PLEKHG5: variants seen among roughly 807,000 people sequenced by gnomAD.
PLEKHG5 encodes the protein pleckstrin homology domain-containing family G member 5.
In PLEKHG5, 52 loss-of-function variants were observed where a neutral mutation model predicts 103.8. That is an observed-to-expected ratio of 0.50 (90% CI 0.40 to 0.63). The LOEUF is 0.63. PLEKHG5 is among the 30% of genes least tolerant of loss of function. The pLI is 0.00. For missense variants in PLEKHG5, 1,205 were observed against 1,347.6 expected (o/e 0.89, Z 1.66); for synonymous variants, 592 against 575.5 (o/e 1.03, Z -0.41).
chr1:6,471,541 G>C lies in PLEKHG5; in HGVS notation c.1228C>G (p.Arg410Gly). 1 of 1,608,774 alleles carries C rather than the reference G, an allele frequency of 6.2e-7. No homozygotes were observed. The highest frequency in any genetic ancestry group is 8.5e-7 in the Non-Finnish European group (1 of 1,178,378). The change falls in exon 12 of 21, where the codon CGG becomes GGG. Residue 410 changes from arginine (R) to glycine (G), a missense_variant. Coordinates refer to ENST00000377728, the MANE Select transcript of PLEKHG5 (RefSeq NM_020631.6). Reference protein sequence around the residue: ...SVMAPVLEKARRTRALLQPGD... With the variant: ...SVMAPVLEKAGRTRALLQPGD... The stretch of plus-strand genomic sequence containing the variant: ...GGCTGTAGCAGCGCTCGCGTGCGCC[G>C]CGCCTTCTCCAGCACCGGCGCCATC...
intron 1 of PLEKHG5, chr1:6,485,220 C>T: frequency 1.3e-6 from 1 of 753,256 alleles, no homozygotes. Flanking sequence ...GCCGCGGGGC[C>T]CATAGTCACG....
intron 1 of PLEKHG5, among the ~76,000 whole-genome samples, chr1:6,481,394 G>A (rs1285887469): frequency 1.3e-5 from 2 of 152,120 alleles, no homozygotes; most frequent in East Asian, 3.9e-4. Context: ...AGCTGGGCAT[G>A]GTGGCGCATG....
chr1:6,474,345 G>C, intron 6 of PLEKHG5, 106 bp downstream of exon 6: 1 of 1,439,426 alleles, frequency 6.9e-7, no homozygotes, highest in Non-Finnish European at 9.6e-7. Context: ...TGGTAATGAG[G>C]CTGCTCAGGC....
chr1:6,511,772 C>A (rs568551709), intron 1 of PLEKHG5, among the ~76,000 whole-genome samples: 5 of 152,164 alleles, frequency 3.3e-5, no homozygotes, highest in African/African-American at 1.2e-4. Flanking sequence ...GCAGCCCCCC[C>A]AGAGAGGCTG....
At chr1:6,483,206 T>C (rs1239416831) in intron 1 of PLEKHG5, among the ~76,000 whole-genome samples, 1 of 152,176 alleles carries the variant, frequency 6.6e-6, no homozygotes, top group Admixed American at 6.5e-5. Context: ...AGTCGGCAGG[T>C]GGCACTCCAA....
chr1:6,506,113 G>A (rs1638309891), intron 1 of PLEKHG5: 1 of 152,782 alleles, frequency 6.5e-6, no homozygotes. Context: ...TCGCCGGGCA[G>A]GGCCTCCAGC....
upstream of PLEKHG5, among the ~76,000 whole-genome samples, chr1:6,498,267 G>A (rs1645255940): frequency 6.6e-6 from 1 of 152,100 alleles, no homozygotes; most frequent in Non-Finnish European, 1.5e-5. Flanking sequence ...GCAGGGCCGG[G>A]TCCCTCTCCC....
rs371769408 is a variant in PLEKHG5, at chr1:6,487,625, G to A, written c.-88+4012C>T. 1.8e-4 allele frequency among the ~76,000 whole-genome samples: 26 copies of A among 148,198 alleles called. No individual in the cohort carries two copies. Among genetic ancestry groups the A allele is most frequent in the Non-Finnish European group, 3.1e-4 (21 of 67,966 alleles). ...ACCCTATCTTGAAACAGCTGACACC[G>A]GGCCCCAACTTAAATGTTACCTCTA... On this transcript the variant is annotated intron_variant, in intron 1 of 20. Coordinates refer to ENST00000377728, the MANE Select transcript of PLEKHG5 (RefSeq NM_020631.6). The surrounding 1 kb of genome is among the most constrained non-coding windows in gnomAD (Gnocchi z 4.1).
chr1:6,496,640 A>C, upstream of PLEKHG5: 1 of 1,135,438 alleles, frequency 8.8e-7, no homozygotes, highest in Non-Finnish European at 1.2e-6. Context: ...TGGCCTCCCA[A>C]CCGGAGGAGG....
intron 1 of PLEKHG5, among the ~76,000 whole-genome samples, chr1:6,511,746 T>A (rs1570005031): frequency 1.3e-5 from 2 of 152,226 alleles, no homozygotes; most frequent in African/African-American, 2.4e-5. Context: ...GAGTGGGCAC[T>A]GCAGGCTGCC....
At chr1:6,488,136 G>A (rs1645075159) in intron 1 of PLEKHG5, among the ~76,000 whole-genome samples, 1 of 152,226 alleles carries the variant, frequency 6.6e-6, no homozygotes, top group Non-Finnish European at 1.5e-5. Context: ...CCCCCATACT[G>A]TCCTGTAGGC....
Position 6,467,907 on chromosome 1 carries a change from A to G in PLEKHG5, c.2929T>C (p.Ser977Pro), listed in dbSNP as rs1213858110. The part of the protein sequence containing the change: ...RVQPEPPPGV[S>P]AQHRKLTLAQ... ...AGGGTCAGCTTCCTGTGCTGGGCAG[A>G]GACCCCTGGTGGGGGCTCAGGCTGG... Residue 977 changes from serine (S) to proline (P), a missense_variant, in exon 20 of 21, where the codon TCT becomes CCT. Coordinates refer to ENST00000377728, the MANE Select transcript of PLEKHG5 (RefSeq NM_020631.6). The G allele has an allele frequency of 5.0e-6, 8 of 1,605,356 alleles. No homozygotes were observed. The highest frequency in any genetic ancestry group is 6.8e-6 in the Non-Finnish European group (8 of 1,176,360).
At chr1:6,474,643 T>C in intron 5 of PLEKHG5, 56 bp from the exon 6 acceptor site, 3 of 1,585,782 alleles carry the variant, frequency 1.9e-6, no homozygotes, top group Non-Finnish European at 2.6e-6. Context: ...TCGCTTCAGC[T>C]TGGGCCCCGC....
In PLEKHG5 at chr1:6,469,182, G is replaced by A; in HGVS notation, c.2109C>T (p.Ser703=). The change falls in exon 19 of 21, where the codon AGC becomes AGT. Residue 703 remains serine, a synonymous_variant. Transcript: ENST00000377728. ...EPPGSQQPLQ[S]LEEEEDEQEE... The stretch of plus-strand genomic sequence containing the variant: ...CCTGCTCATCCTCCTCCTCTTCCAG[G>A]CTCTGCAGGGGCTGCTGACTGCCTG... The A allele has an allele frequency of 6.2e-7, 1 of 1,612,220 alleles. No homozygotes were observed. The highest frequency in any genetic ancestry group is 8.5e-7 in the Non-Finnish European group (1 of 1,179,858).
In PLEKHG5 at chr1:6,473,055, TTCA is replaced by T. The variant is rs1557744230; in HGVS notation, c.912_914del (p.Asp304del). On this transcript the variant is annotated inframe_deletion, in exon 9 of 21. Transcript: ENST00000377728. ...GGCAGGCATTGTCCTCATCCTCGTCTTCATCGTACTCCTCCTCCCAGGAGTCAT... is the reference window on the plus strand; with the variant it reads ...GGCAGGCATTGTCCTCATCCTCGTCTTCGTACTCCTCCTCCCAGGAGTCAT... The T allele has an allele frequency of 2.5e-6, 4 of 1,613,810 alleles. No individual in the cohort carries two copies. The highest frequency in any genetic ancestry group is 3.4e-6 in the Non-Finnish European group (4 of 1,179,896).
At chr1:6,496,122 C>T (rs917879269), upstream of PLEKHG5, among the ~76,000 whole-genome samples, 2 of 152,224 alleles carry the variant, frequency 1.3e-5, no homozygotes, top group Admixed American at 1.3e-4. Context: ...AGGAAGGGTG[C>T]CATCTGGGCA....
Position 6,469,151 on chromosome 1 carries a change from C to A in PLEKHG5, c.2140G>T (p.Glu714Ter), listed in dbSNP as rs1644489540. 6.2e-7 allele frequency: 1 copy of A among 1,612,618 alleles called. No homozygotes were observed. Among genetic ancestry groups the A allele is most frequent in the Non-Finnish European group, 8.5e-7 (1 of 1,179,676 alleles). ...TCCTCCTCCTCCTCCTCCTCCTCTT[C>A]CTCCTCCTGCTCATCCTCCTCCTCT... ...LEEEEDEQEE[E>*]EEEEEEEEEG... Residue 714 changes from glutamate to a stop codon, truncating the protein, a stop_gained, in exon 19 of 21, where the codon GAA becomes TAA. Coordinates refer to ENST00000377728, the MANE Select transcript of PLEKHG5 (RefSeq NM_020631.6). LOFTEE classifies it high-confidence loss of function.
At chr1:6,500,967 G>A (rs141770576), upstream of PLEKHG5, among the ~76,000 whole-genome samples, 501 of 152,344 alleles carry the variant, frequency 3.3e-3, 3 homozygotes, top group African/African-American at 0.011. Context: ...GGGCCTCGGG[G>A]CGCGGGCAGA....
At chr1:6,496,517 G>A (rs533070676), upstream of PLEKHG5, 9 of 1,602,936 alleles carry the variant, frequency 5.6e-6, no homozygotes, top group South Asian at 4.5e-5. Context: ...CCTTGTCCAT[G>A]CAGGCGGGGT....
Sources: allele counts gnomAD v4.1 joint callset (sites outside exome capture counted in the v4.1 genomes callset), GRCh38; gene constraint gnomAD v4.1.1; non-coding constraint Gnocchi (gnomAD v3.1); transcripts MANE v1.5; gene names NCBI Gene and HGNC (gene_info 2026-07-23, HGNC 2026-07-21).